Variants in NCOR2 observed in about 807,000 individuals in gnomAD.
NCOR2 encodes the protein nuclear receptor corepressor 2.
NCOR2 carries 81 observed loss-of-function variants against 262.9 expected under a neutral mutation model. That is an observed-to-expected ratio of 0.31 (90% confidence interval 0.26 to 0.37). The LOEUF is 0.37. Ranked by LOEUF, NCOR2 falls within the 10% of genes least tolerant of loss-of-function variation. NCOR2 has a pLI of 1.00. For synonymous variants in NCOR2, 1,659 were observed against 1,559.3 expected (o/e 1.06, Z -1.51); for missense variants, 3,385 against 3,621.4 (o/e 0.93, Z 1.68).
intron 17 of NCOR2, among the ~76,000 whole-genome samples, chr12:124,379,549 G>T (rs573132560): frequency 6.6e-6 from 1 of 152,202 alleles, no homozygotes; most frequent in African/African-American, 2.4e-5. Flanking sequence ...AGACACTGGG[G>T]GGTGCCCACC....
chr12:124,448,943 C>T (rs184252706), intron 7 of NCOR2, among the ~76,000 whole-genome samples: 1 of 152,328 alleles, frequency 6.6e-6, no homozygotes, highest in African/African-American at 2.4e-5. Context: ...GAACATTCAA[C>T]AGCTATGATC....
intron 13 of NCOR2, among the ~76,000 whole-genome samples, chr12:124,417,770 C>T (rs2042988725): frequency 6.6e-6 from 1 of 152,210 alleles, no homozygotes; most frequent in South Asian, 2.1e-4. Flanking sequence ...ATTTCAAAAA[C>T]ACCGTAGCGG....
chr12:124,379,295 G>A (rs1485886626), intron 17 of NCOR2, among the ~76,000 whole-genome samples: 1 of 152,114 alleles, frequency 6.6e-6, no homozygotes, highest in Non-Finnish European at 1.5e-5. Context: ...CACACACAGA[G>A]CCCACTCTTC....
chr12:124,353,568 G>A (rs1262202000), intron 27 of NCOR2, among the ~76,000 whole-genome samples: 1 of 152,222 alleles, frequency 6.6e-6, no homozygotes, highest in African/African-American at 2.4e-5. Flanking sequence ...CCAGACACAC[G>A]TGGCACAAAA....
chr12:124,488,237 C>G (rs535792532), intron 1 of NCOR2, among the ~76,000 whole-genome samples: 2 of 152,084 alleles, frequency 1.3e-5, no homozygotes, highest in African/African-American at 4.8e-5. Context: ...CATAAGAGCC[C>G]GGGAGCCCAG....
intron 13 of NCOR2, among the ~76,000 whole-genome samples, chr12:124,407,658 A>T (rs912505948): frequency 6.6e-6 from 1 of 152,194 alleles, no homozygotes; most frequent in African/African-American, 2.4e-5. Flanking sequence ...GCGACCACCC[A>T]CGTAGGGGTT....
intron 41 of NCOR2, 120 bp downstream of exon 43, chr12:124,334,304 T>C: frequency 1.5e-6 from 1 of 660,074 alleles, no homozygotes; most frequent in Non-Finnish European, 2.5e-6. Flanking sequence ...ATTTCTTGCC[T>C]GTGCAATGGC....
chr12:124,337,676 G>GT (rs1274986301), intron 37 of NCOR2, among the ~76,000 whole-genome samples: 1 of 152,222 alleles, frequency 6.6e-6, no homozygotes, highest in Non-Finnish European at 1.5e-5. Flanking sequence ...AAAAAGCCAC[G>GT]TGAGGAGTGA....
At chr12:124,502,273 G>A (rs906775991) in intron 1 of NCOR2, among the ~76,000 whole-genome samples, 4 of 152,314 alleles carry the variant, frequency 2.6e-5, no homozygotes, top group Middle Eastern at 3.4e-3. Context: ...TGTCTACCAC[G>A]ATTTGTTAAG....
chr12:124,479,470 A>ACACAC (rs1565981609), intron 3 of NCOR2, among the ~76,000 whole-genome samples: 2 of 63,206 alleles, frequency 3.2e-5, no homozygotes, highest in East Asian at 9.0e-4. Flanking sequence ...CACACACACA[A>ACACAC]ACACGCAGGG....
chr12:124,328,270 C>A (rs1015374106), intron 44 of NCOR2, among the ~76,000 whole-genome samples: 5 of 152,202 alleles, frequency 3.3e-5, no homozygotes, highest in Admixed American at 6.5e-5. Flanking sequence ...TGCCTCTCCC[C>A]ACCCAGGAGC....
At chr12:124,394,518 T>C (rs2041529598) in intron 16 of NCOR2, among the ~76,000 whole-genome samples, 1 of 152,240 alleles carries the variant, frequency 6.6e-6, no homozygotes. Context: ...TTTGCAGATG[T>C]GATCAAGTCA....
At chr12:124,439,221 A>G (rs1337144190) in intron 7 of NCOR2, among the ~76,000 whole-genome samples, 22 of 151,508 alleles carry the variant, frequency 1.5e-4, no homozygotes, top group African/African-American at 5.4e-4. Context: ...GGAGACAGAG[A>G]CCCAGAGACA....
intron 13 of NCOR2, among the ~76,000 whole-genome samples, chr12:124,414,764 G>A (rs1038364019): frequency 2.0e-5 from 3 of 152,172 alleles, no homozygotes; most frequent in Non-Finnish European, 4.4e-5. Context: ...GGGAAGACCC[G>A]GGTTCTCCAT....
chr12:124,388,157 G>A (rs2040956989), intron 16 of NCOR2, among the ~76,000 whole-genome samples: 1 of 152,126 alleles, frequency 6.6e-6, no homozygotes, highest in Non-Finnish European at 1.5e-5. Flanking sequence ...AGTCATCCAG[G>A]CGCCTGGCCA....
intron 1 of NCOR2, among the ~76,000 whole-genome samples, chr12:124,563,319 T>C (rs1384963698): frequency 1.3e-5 from 2 of 152,260 alleles, no homozygotes; most frequent in Non-Finnish European, 2.9e-5. Flanking sequence ...TCCTCAAGGC[T>C]AGCTGGAGCC....
intron 1 of NCOR2, among the ~76,000 whole-genome samples, chr12:124,511,651 T>TTC: frequency 6.6e-6 from 1 of 152,180 alleles, no homozygotes; most frequent in African/African-American, 2.4e-5. Context: ...GTGGATTTGG[T>TTC]TCTCGGCAAG....
chr12:124,430,068 C>G (rs1329863640), intron 9 of NCOR2, among the ~76,000 whole-genome samples: 1 of 152,270 alleles, frequency 6.6e-6, no homozygotes, highest in Non-Finnish European at 1.5e-5. Flanking sequence ...AAAGTGGCAC[C>G]TGGCTGCCTA....
chr12:124,516,281 G>A (rs985807310), intron 1 of NCOR2, among the ~76,000 whole-genome samples: 3 of 152,112 alleles, frequency 2.0e-5, no homozygotes, highest in Admixed American at 1.3e-4. Flanking sequence ...GCCCTCCCGC[G>A]CCAGTCCCCA....
Sources: gnomAD v4.1 joint callset for allele counts (sites outside exome capture counted in the v4.1 genomes callset) on GRCh38, gnomAD v4.1.1 for gene constraint, MANE v1.5 for transcripts, NCBI Gene and HGNC (gene_info 2026-07-23, HGNC 2026-07-21) for gene names.